Variants in UBE2R2 observed in about 807,000 individuals in gnomAD.
The protein encoded by UBE2R2 is ubiquitin conjugating enzyme E2 R2.
Under a neutral mutation model 27.8 loss-of-function variants are expected in UBE2R2, and 1 was observed. That is an observed-to-expected ratio of 0.04 (90% CI 0.01 to 0.17). The LOEUF (loss-of-function observed/expected upper bound fraction) is 0.17. UBE2R2 is among the 10% of genes least tolerant of loss of function. The probability of loss-of-function intolerance (pLI) is 1.00; values close to 1 mark genes in which losing one functional copy is unlikely to be tolerated. For synonymous variants in UBE2R2, 106 were observed against 113.3 expected, an observed-to-expected ratio of 0.94 and a Z score of 0.41; for missense variants, 100 against 291.0, an observed-to-expected ratio of 0.34 and a Z score of 4.78.
At chr9:33,859,425 TC>T in intron 1 of UBE2R2, among the ~76,000 whole-genome samples, 1 of 152,326 alleles carries the variant, frequency 6.6e-6, no homozygotes, top group South Asian at 2.1e-4. Context: ...TAGTTTTAGA[TC>T]CTTGAGAATA....
chr9:33,817,026 T>A (rs1238955183), upstream of UBE2R2, among the ~76,000 whole-genome samples: 1 of 58,574 alleles, frequency 1.7e-5, no homozygotes, highest in Non-Finnish European at 3.3e-5. Context: ...GAGGTGGTAG[T>A]GGAGGAGAGC....
Position 33,817,674 on chromosome 9 carries a change from C to A in UBE2R2, c.-84C>A, listed in dbSNP as rs937975821. On this transcript the variant is annotated 5_prime_UTR_variant, in exon 1 of 5. Coordinates refer to ENST00000263228, the MANE Select transcript of UBE2R2 (RefSeq NM_017811.4). ...CGGTGCTGCCCGGCCGGAGGGCGAG[C>A]GGAGGGGAGGGGCCTGGTCCGGCCC... 1,272 of 1,189,826 alleles carry A rather than the reference C, an allele frequency of 1.1e-3. 13 individuals carry two copies. The highest frequency in any genetic ancestry group is 1.2e-3 in the Non-Finnish European group (1,181 of 961,460). The allele number at this position is 1,189,826 out of a possible 1,614,324, so 73.7% of individuals were successfully genotyped here.
At chr9:33,897,844 C>T (rs1217940236) in intron 2 of UBE2R2, among the ~76,000 whole-genome samples, 5 of 145,440 alleles carry the variant, frequency 3.4e-5, no homozygotes, top group Non-Finnish European at 7.5e-5. Context: ...GGCACAATCT[C>T]GGTTCACCAC....
intron 1 of UBE2R2, among the ~76,000 whole-genome samples, chr9:33,849,121 G>A (rs915332821): frequency 4.6e-5 from 7 of 152,052 alleles, no homozygotes; most frequent in Admixed American, 2.6e-4. Flanking sequence ...GCCGGGCGTG[G>A]TGGCACATGC....
At chr9:33,903,216 T>C in intron 3 of UBE2R2, among the ~76,000 whole-genome samples, 1 of 152,210 alleles carries the variant, frequency 6.6e-6, no homozygotes, top group East Asian at 1.9e-4. Context: ...TTAGACAATG[T>C]GTATAAAAGT....
intron 2 of UBE2R2, among the ~76,000 whole-genome samples, chr9:33,891,561 C>T (rs1464869251): frequency 6.6e-6 from 1 of 151,926 alleles, no homozygotes; most frequent in Non-Finnish European, 1.5e-5. Flanking sequence ...GCATGAGAAT[C>T]GCTTGAACCC....
chr9:33,823,829 TGTAAG>T (rs1820231038), intron 1 of UBE2R2, among the ~76,000 whole-genome samples: 1 of 152,218 alleles, frequency 6.6e-6, no homozygotes. Flanking sequence ...AGAATCCTCT[TGTAAG>T]GTATTTGGAT....
intron 2 of UBE2R2, among the ~76,000 whole-genome samples, chr9:33,894,071 A>C (rs924349047): frequency 6.6e-6 from 1 of 152,074 alleles, no homozygotes; most frequent in African/African-American, 2.4e-5. Context: ...AACTGTTTAC[A>C]TTCCCACCAG....
rs1205233500 is a variant in UBE2R2, at chr9:33,900,767, CT to C, written c.362+497del. ...AATTTTTTGTAGAGATGGGGTCTCA[CT>C]AAGTTGCCCAGCTGGTCTCAAACTC... On this transcript the variant is annotated intron_variant, in intron 3 of 4. Transcript: ENST00000263228. Among the ~76,000 whole-genome samples the C allele has an allele frequency of 2.0e-5, 3 of 152,250 alleles. No homozygotes were observed. The South Asian group carries it at 6.2e-4, about 32-fold the overall frequency.
Position 33,919,886 on chromosome 9 carries a change from T to TCAAAATACACA in UBE2R2, c.*2649_*2650insCAAAATACACA, listed in dbSNP as rs1822765065. 1.3e-5 allele frequency: 2 copies of TCAAAATACACA among 152,214 alleles called. No individual in the cohort carries two copies. Among genetic ancestry groups the TCAAAATACACA allele is most frequent in the Admixed American group, 6.6e-5 (1 of 15,264 alleles). 9.4% of individuals were successfully genotyped at this position (152,214 alleles called of 1,614,324 possible). A position where few individuals can be genotyped will look rare whatever the true frequency, so the allele number is the denominator to read the frequency against. On this transcript the variant is annotated 3_prime_UTR_variant, in exon 5 of 5. Coordinates refer to ENST00000263228, the MANE Select transcript of UBE2R2 (RefSeq NM_017811.4). ...TCACTAGATGCTCTTCAGTTCTGTG[T>TCAAAATACACA]ATTTTGAGGCTGGGTGGAGAAGTAT...
Position 33,917,296 on chromosome 9 carries a change from A to G in UBE2R2, c.*59A>G. 2 of 1,599,852 alleles carry G rather than the reference A, an allele frequency of 1.3e-6. No homozygotes were observed. Among genetic ancestry groups the G allele is most frequent in the Non-Finnish European group, 1.7e-6 (2 of 1,174,268 alleles). ...ATCTCAGGCCAAAGGGAGGGGAGCA[A>G]GTGGGGACCTGGCCATGGCCCCTCA... On this transcript the variant is annotated 3_prime_UTR_variant, in exon 5 of 5. Transcript: ENST00000263228.
In UBE2R2 at chr9:33,817,233, C is replaced by T. The variant is rs1825804022; in HGVS notation, c.-525C>T. Among the ~76,000 whole-genome samples, 1 of 150,128 alleles carries T rather than the reference C, an allele frequency of 6.7e-6. No homozygotes were observed. The highest frequency in any genetic ancestry group is 2.0e-4 in the East Asian group (1 of 5,056). On this transcript the variant is annotated 5_prime_UTR_variant, in exon 1 of 5. Transcript: ENST00000263228. Reference sequence around the variant, plus strand: ...CCTCCTCCGCCGTCGCCCCTCCCCCCGCGCAGCCCCCGCCGCCACCGCCGC... The same window carrying T: ...CCTCCTCCGCCGTCGCCCCTCCCCCTGCGCAGCCCCCGCCGCCACCGCCGC...
At chr9:33,831,211 G>C (rs1180853807) in intron 1 of UBE2R2, 1 of 151,992 alleles carries the variant, frequency 6.6e-6, no homozygotes, top group Non-Finnish European at 1.5e-5. Context: ...GGAGGTTGAG[G>C]CTGGTGGATC....
intron 1 of UBE2R2, among the ~76,000 whole-genome samples, chr9:33,880,255 G>A (rs1289466512): frequency 2.0e-5 from 3 of 152,064 alleles, no homozygotes; most frequent in Admixed American, 6.6e-5. Flanking sequence ...ATTTTTTCCA[G>A]TGTAGGCAAT....
chr9:33,857,585 G>A (rs1029394311), intron 1 of UBE2R2, among the ~76,000 whole-genome samples: 5 of 152,050 alleles, frequency 3.3e-5, no homozygotes, highest in African/African-American at 1.2e-4. Flanking sequence ...CAAAGTGCTG[G>A]GATTACAGGC....
chr9:33,876,317 A>G (rs751001111), intron 1 of UBE2R2, among the ~76,000 whole-genome samples: 14 of 152,000 alleles, frequency 9.2e-5, no homozygotes, highest in South Asian at 6.2e-4. Flanking sequence ...GATTGCGCCA[A>G]TGCACTCTAG....
At chr9:33,861,692 G>A (rs547998549) in intron 1 of UBE2R2, among the ~76,000 whole-genome samples, 2 of 151,912 alleles carry the variant, frequency 1.3e-5, no homozygotes, top group Admixed American at 1.3e-4. Flanking sequence ...GGTTTATTTT[G>A]TGTACTTTTT....
chr9:33,918,182 T>G lies in UBE2R2; in HGVS notation c.*945T>G, dbSNP rs879497582. The stretch of plus-strand genomic sequence containing the variant: ...ACTGTTGGGAGAGGAAACATCTGTT[T>G]TATAGATTTAGCATGGCCTTCCCAT... On this transcript the variant is annotated 3_prime_UTR_variant, in exon 5 of 5. Transcript: ENST00000263228. The G allele has an allele frequency of 6.6e-6, 1 of 152,334 alleles. No homozygotes were observed. The highest frequency in any genetic ancestry group is 2.4e-5 in the African/African-American group (1 of 41,410). The allele number at this position is 152,334 out of a possible 1,614,324, so 9.4% of individuals were successfully genotyped here. A position where few individuals can be genotyped will look rare whatever the true frequency, so the allele number is the denominator to read the frequency against.
intron 3 of UBE2R2, among the ~76,000 whole-genome samples, chr9:33,910,583 G>T (rs1822461662): frequency 6.6e-6 from 1 of 152,164 alleles, no homozygotes. Flanking sequence ...CATCTAACTT[G>T]CTCACCATTG....
Sources: allele counts gnomAD v4.1 joint callset (sites outside exome capture counted in the v4.1 genomes callset), GRCh38; gene constraint gnomAD v4.1.1; transcripts MANE v1.5; gene names NCBI Gene and HGNC (gene_info 2026-07-23, HGNC 2026-07-21).